Variants in KCNQ5 observed in about 807,000 individuals in gnomAD.
KCNQ5 encodes the protein potassium voltage-gated channel subfamily Q member 5, also known as potassium voltage-gated channel subfamily KQT member 5.
A neutral mutation model predicts 98.2 loss-of-function variants in KCNQ5; 30 were observed. The observed-to-expected ratio is 0.31, with a 90% CI of 0.23 to 0.41. The LOEUF (loss-of-function observed/expected upper bound fraction) is 0.41. KCNQ5 is among the 10% of genes least tolerant of loss of function. The pLI, the probability that KCNQ5 is intolerant of heterozygous loss-of-function variation, is 1.00. For missense variants in KCNQ5, 835 were observed against 1,182.5 expected (o/e 0.71, Z 4.31); for synonymous variants, 458 against 449.4 (o/e 1.02, Z -0.24).
At chr6:72,883,196 C>T (rs577246618) in intron 1 of KCNQ5, among the ~76,000 whole-genome samples, 1 of 152,284 alleles carries the variant, frequency 6.6e-6, no homozygotes, top group Admixed American at 6.5e-5. Flanking sequence ...TCTGCACTCT[C>T]AAAATGTTTA....
At chr6:72,986,305 C>T (rs1466721365) in intron 1 of KCNQ5, 1 of 306,776 alleles carries the variant, frequency 3.3e-6, no homozygotes, top group Non-Finnish European at 6.1e-6. Context: ...AAATTGGGGT[C>T]ACAGTGGAGC....
rs772426088 is a variant in KCNQ5 at position 73,195,020 on chromosome 6, G to A, written c.2405G>A (p.Arg802His). 32 of 1,614,158 alleles carry A rather than the reference G, an allele frequency of 2.0e-5. 1 individual carries two copies. In the East Asian group the frequency reaches 2.5e-4, roughly 12 times the overall value. The stretch of plus-strand genomic sequence containing the variant: ...GCACAGTCAAATCTCACCAAGGACC[G>A]TTCTATGAGGAAAAGCTTTGACATG... ...QVAQSNLTKD[R>H]SMRKSFDMGG... The change falls in exon 14 of 14, where the codon CGT becomes CAT. Residue 802 changes from arginine (R) to histidine (H), a missense_variant. By Grantham distance (29) the Arg-to-His change is conservative. This residue lies in a region of KCNQ5 where 416 missense variants were observed against 446.9 expected (regional missense o/e 0.93). Transcript: ENST00000370398.
intron 1 of KCNQ5, among the ~76,000 whole-genome samples, chr6:72,864,459 C>T (rs1777896238): frequency 6.6e-6 from 1 of 152,182 alleles, no homozygotes; most frequent in South Asian, 2.1e-4. Context: ...TGGGTCAGTA[C>T]ATGGCCTTAG....
At chr6:72,732,532 T>C (rs916081956) in intron 1 of KCNQ5, among the ~76,000 whole-genome samples, 1 of 152,208 alleles carries the variant, frequency 6.6e-6, no homozygotes, top group Non-Finnish European at 1.5e-5. Flanking sequence ...TTGCCCACTC[T>C]TATGTCTATC....
chr6:73,068,752 T>A (rs1773177350), intron 3 of KCNQ5, among the ~76,000 whole-genome samples: 1 of 152,192 alleles, frequency 6.6e-6, no homozygotes, highest in Non-Finnish European at 1.5e-5. Context: ...CTGGATTGGT[T>A]CTCATTTTTT....
intron 1 of KCNQ5, among the ~76,000 whole-genome samples, chr6:72,812,315 A>T (rs1434598944): frequency 6.6e-6 from 1 of 152,068 alleles, no homozygotes; most frequent in Non-Finnish European, 1.5e-5. Context: ...TCCTCATTTT[A>T]TGCAGTCCTT....
At chr6:72,798,657 G>A (rs1171300253) in intron 1 of KCNQ5, among the ~76,000 whole-genome samples, 2 of 152,072 alleles carry the variant, frequency 1.3e-5, no homozygotes, top group Non-Finnish European at 2.9e-5. Flanking sequence ...AGACTAAGCT[G>A]TTATTTCCAT....
At chr6:73,070,547 G>T (rs978603258) in intron 3 of KCNQ5, among the ~76,000 whole-genome samples, 1 of 152,044 alleles carries the variant, frequency 6.6e-6, no homozygotes, top group Non-Finnish European at 1.5e-5. Context: ...TCTTTGTTTG[G>T]GGTTGGGGTA....
chr6:72,844,235 G>A (rs1776929801), intron 1 of KCNQ5, among the ~76,000 whole-genome samples: 1 of 152,092 alleles, frequency 6.6e-6, no homozygotes, highest in Non-Finnish European at 1.5e-5. Context: ...ATCAAATAAG[G>A]ACATACCTTG....
chr6:73,105,380 G>A lies in KCNQ5; in HGVS notation c.1029+13G>A. ...TGCACTTCCTGCCGTGAGTATCTTT[G>A]CACCAATAAAGCAGTTTAAATTAGA... On this transcript the variant is annotated intron_variant, in intron 6 of 13. Coordinates refer to ENST00000370398, the MANE Select transcript of KCNQ5 (RefSeq NM_019842.4). 6.5e-7 allele frequency: 1 copy of A among 1,546,048 alleles called. No homozygotes were observed. Among genetic ancestry groups the A allele is most frequent in the Non-Finnish European group, 8.9e-7 (1 of 1,123,654 alleles).
intron 2 of KCNQ5, among the ~76,000 whole-genome samples, chr6:73,029,796 A>G (rs1273349892): frequency 6.7e-6 from 1 of 150,110 alleles, no homozygotes; most frequent in Non-Finnish European, 1.5e-5. Flanking sequence ...AGCTGGGCGT[A>G]GCTACTCAGG....
At chr6:72,883,966 A>G (rs770464222) in intron 1 of KCNQ5, among the ~76,000 whole-genome samples, 1 of 152,220 alleles carries the variant, frequency 6.6e-6, no homozygotes, top group Non-Finnish European at 1.5e-5. Context: ...TCTATATGAC[A>G]TAGTGATCAT....
At chr6:73,039,368 T>A (rs1268706593) in intron 2 of KCNQ5, among the ~76,000 whole-genome samples, 1 of 152,114 alleles carries the variant, frequency 6.6e-6, no homozygotes, top group Non-Finnish European at 1.5e-5. Flanking sequence ...TTCCTTTGGG[T>A]TTATTTTACC....
chr6:72,872,139 C>T (rs1778235396), intron 1 of KCNQ5, among the ~76,000 whole-genome samples: 1 of 152,122 alleles, frequency 6.6e-6, no homozygotes, highest in Non-Finnish European at 1.5e-5. Context: ...TAGCTTTATC[C>T]AAACATGTTC....
At chr6:72,866,599 A>G (rs1245045614) in intron 1 of KCNQ5, among the ~76,000 whole-genome samples, 1 of 152,154 alleles carries the variant, frequency 6.6e-6, no homozygotes, top group Non-Finnish European at 1.5e-5. Flanking sequence ...TCTTAGGCTT[A>G]TCCAAACAAG....
In KCNQ5 at chr6:72,959,797, T is replaced by A. The variant is rs147663253; in HGVS notation, c.399-44111T>A. On this transcript the variant is annotated intron_variant, in intron 1 of 13. Coordinates refer to ENST00000370398, the MANE Select transcript of KCNQ5 (RefSeq NM_019842.4). ...GAATGAAATTTTATAAACTTGAGAA[T>A]CCGGGAGATTCACGACACAATTCAA... 2.6e-3 allele frequency among the ~76,000 whole-genome samples: 396 copies of A among 152,272 alleles called. 5 individuals are homozygous for A. The highest frequency in any genetic ancestry group is 0.023 in the East Asian group (120 of 5,182).
intron 1 of KCNQ5, chr6:72,967,776 A>G (rs967177781): frequency 6.5e-6 from 1 of 154,912 alleles, no homozygotes; most frequent in South Asian, 2.0e-4. Context: ...GAAGTTAAAG[A>G]TGTCTCAGTA....
At chr6:72,726,465 G>A (rs558890756) in intron 1 of KCNQ5, among the ~76,000 whole-genome samples, 51 of 151,982 alleles carry the variant, frequency 3.4e-4, no homozygotes, top group South Asian at 4.2e-4. Context: ...CGCCCGCCTC[G>A]GCCTCCCAAA....
intron 1 of KCNQ5, among the ~76,000 whole-genome samples, chr6:72,841,515 G>C (rs980969462): frequency 6.6e-6 from 1 of 152,010 alleles, no homozygotes; most frequent in Admixed American, 6.6e-5. Context: ...AAATGCTTAG[G>C]ATATTGAAAG....
Sources: gnomAD v4.1 joint callset for allele counts (sites outside exome capture counted in the v4.1 genomes callset) on GRCh38, gnomAD v4.1.1 for gene constraint, gnomAD v4.1.1 regional missense constraint, MANE v1.5 for transcripts, NCBI Gene and HGNC (gene_info 2026-07-23, HGNC 2026-07-21) for gene names.